FBLIM1: variants seen among roughly 807,000 people sequenced by gnomAD.
FBLIM1 encodes filamin-binding LIM protein 1.
Under a neutral mutation model 37.4 loss-of-function variants are expected in FBLIM1, and 29 were observed. The ratio of observed to expected loss-of-function variants is 0.77; its 90% CI spans 0.58 to 1.06. The LOEUF (loss-of-function observed/expected upper bound fraction) is 1.06. Ranked by LOEUF, FBLIM1 falls within the 50% of genes least tolerant of loss-of-function variation. FBLIM1 has a pLI of 0.00. For missense variants in FBLIM1, 449 were observed against 505.6 expected, an observed-to-expected ratio of 0.89 and a Z score of 1.07; for synonymous variants, 193 against 199.0, an observed-to-expected ratio of 0.97 and a Z score of 0.25.
At chr1:15,774,835 C>A (rs767958384) in intron 7 of FBLIM1, 39 bp downstream of exon 7, 2 of 1,613,912 alleles carry the variant, frequency 1.2e-6, no homozygotes, top group Admixed American at 1.7e-5. Context: ...GGTGCAGGGA[C>A]AGGGCGAGAC....
At chr1:15,757,308 T>TCTGCCATTTGCCC (rs1557679278), upstream of FBLIM1, among the ~76,000 whole-genome samples, 1 of 152,176 alleles carries the variant, frequency 6.6e-6, no homozygotes, top group African/African-American at 2.4e-5. The surrounding 1 kb of genome is among the most constrained non-coding windows in gnomAD (Gnocchi z 4.1). Flanking sequence ...TGAATTTGGC[T>TCTGCCATTTGCCC]CTGCCATTTG....
At chr1:15,760,506 G>A (rs1269045719) in intron 1 of FBLIM1, among the ~76,000 whole-genome samples, 1 of 144,664 alleles carries the variant, frequency 6.9e-6, no homozygotes, top group Non-Finnish European at 1.5e-5. Flanking sequence ...CTCCAGCCTC[G>A]GCCACAGAGC....
intron 8 of FBLIM1, 119 bp downstream of exon 8, chr1:15,777,406 C>A: frequency 1.6e-6 from 1 of 622,070 alleles, no homozygotes; most frequent in South Asian, 2.2e-5. Context: ...TGCTCATTGT[C>A]TAGTAGGAGA....
intron 7 of FBLIM1, among the ~76,000 whole-genome samples, chr1:15,776,250 C>CT (rs2069483045): frequency 6.6e-6 from 1 of 151,790 alleles, no homozygotes; most frequent in Non-Finnish European, 1.5e-5. Flanking sequence ...GAGCTAGACT[C>CT]CATCCCAAAC....
intron 8 of FBLIM1, among the ~76,000 whole-genome samples, chr1:15,780,732 G>A (rs77421831): frequency 0.02 from 3,090 of 152,188 alleles, 78 homozygotes; most frequent in African/African-American, 0.063. Context: ...TGAGTATTTC[G>A]ACACACCTGT....
At chr1:15,766,446 A>G (rs2068928078) in intron 3 of FBLIM1, among the ~76,000 whole-genome samples, 1 of 151,058 alleles carries the variant, frequency 6.6e-6, no homozygotes, top group African/African-American at 2.4e-5. Context: ...ACAGGCGCCC[A>G]CCATCACACC....
At position 15,765,138 on chromosome 1, in the gene FBLIM1, C is replaced by T; in HGVS notation, c.155C>T (p.Pro52Leu). 6.2e-7 allele frequency: 1 copy of T among 1,613,866 alleles called. No individual in the cohort carries two copies. Among genetic ancestry groups the T allele is most frequent in the Non-Finnish European group, 8.5e-7 (1 of 1,179,896 alleles). Residue 52 changes from proline to leucine, a missense_variant, in exon 3 of 9, where the codon CCC becomes CTC. Transcript: ENST00000375766. The surrounding 1 kb of genome is among the most constrained non-coding windows in gnomAD (Gnocchi z 5.9). Reference sequence around the variant, plus strand: ...GAGGCTCCTGCCCCCATGAAGACACCCGAGGCTGGCTTGGCGGGGAGGCCC... The same window carrying T: ...GAGGCTCCTGCCCCCATGAAGACACTCGAGGCTGGCTTGGCGGGGAGGCCC... ...PWEAPAPMKT[P>L]EAGLAGRPSP...
chr1:15,784,698 G>C lies in FBLIM1; in HGVS notation c.*37G>C. On this transcript the variant is annotated 3_prime_UTR_variant, in exon 9 of 9. Transcript: ENST00000375766. ...GGGCAGTGAACAGACCACTAGCCCC[G>C]GCTGGGGCCCTTCCCTGACTTGGTT... 6.3e-7 allele frequency: 1 copy of C among 1,578,732 alleles called. No individual in the cohort carries two copies. The highest frequency in any genetic ancestry group is 2.2e-5 in the East Asian group (1 of 44,580).
upstream of FBLIM1, chr1:15,758,611 G>A (rs1438068280): frequency 6.6e-6 from 1 of 152,332 alleles, no homozygotes; most frequent in Non-Finnish European, 1.5e-5. This position sits in a 1 kb window ranked among gnomAD's most constrained non-coding sequence, Gnocchi z 6.2. Context: ...GGGAAGGGGC[G>A]GCGCGGGGCG....
intron 8 of FBLIM1, among the ~76,000 whole-genome samples, chr1:15,781,724 T>TTG (rs1553168452): frequency 6.8e-6 from 1 of 146,440 alleles, no homozygotes; most frequent in Non-Finnish European, 1.5e-5. Flanking sequence ...TATTGTTTTT[T>TTG]TTTTTTTTTT....
chr1:15,768,511 C>G lies in FBLIM1; in HGVS notation c.439-17C>G, dbSNP rs543087374. 6.5e-7 allele frequency: 1 copy of G among 1,534,644 alleles called. No homozygotes were observed. Among genetic ancestry groups the G allele is most frequent in the Non-Finnish European group, 8.7e-7 (1 of 1,144,372 alleles). Reference sequence around the variant, plus strand: ...CATGGGGTCCCACTGGATGACTCCCCGTCTGCATCCCCACAGGCCCCAGCG... The same window carrying G: ...CATGGGGTCCCACTGGATGACTCCCGGTCTGCATCCCCACAGGCCCCAGCG... On this transcript the variant is annotated splice_polypyrimidine_tract_variant and intron_variant, in intron 4 of 8. Coordinates refer to ENST00000375766, the MANE Select transcript of FBLIM1 (RefSeq NM_017556.4).
chr1:15,779,063 G>T (rs1306105356), intron 8 of FBLIM1, among the ~76,000 whole-genome samples: 1 of 151,894 alleles, frequency 6.6e-6, no homozygotes, highest in Non-Finnish European at 1.5e-5. Context: ...AGCCTCCTGA[G>T]TAGCTGGGAT....
At chr1:15,766,276 TTGTGTGTGTGTGTGTA>T (rs1230886825) in intron 3 of FBLIM1, among the ~76,000 whole-genome samples, 7 of 151,182 alleles carry the variant, frequency 4.6e-5, no homozygotes, top group South Asian at 2.1e-4. Context: ...CCCAGCTAAT[TTGTGTGTGTGTGTGTA>T]TGTGTGTGTG....
In FBLIM1 at chr1:15,774,855, G is replaced by A. The variant is rs748280663; in HGVS notation, c.890+59G>A. On this transcript the variant is annotated intron_variant, in intron 7 of 8. Transcript: ENST00000375766. ...AGGGACAGGGCGAGACCCAAGCAGG[G>A]TGAAGGAGCTGAGCTTGAGTCCTGG... 1.9e-6 allele frequency: 3 copies of A among 1,613,648 alleles called. No homozygotes were observed. Among genetic ancestry groups the A allele is most frequent in the Non-Finnish European group, 2.5e-6 (3 of 1,179,744 alleles).
chr1:15,758,472 C>T (rs1165661703), upstream of FBLIM1: 1 of 152,122 alleles, frequency 6.6e-6, no homozygotes, highest in Non-Finnish European at 1.5e-5. This position sits in a 1 kb window ranked among gnomAD's most constrained non-coding sequence, Gnocchi z 6.2. Context: ...CACCCCGACT[C>T]CCCATTCTCC....
intron 1 of FBLIM1, among the ~76,000 whole-genome samples, chr1:15,763,201 C>G (rs1294206372): frequency 6.6e-6 from 1 of 151,838 alleles, no homozygotes; most frequent in African/African-American, 2.4e-5. Flanking sequence ...TCCCAAGTAG[C>G]TGGGATTACA....
chr1:15,781,251 G>A (rs1039851807), intron 8 of FBLIM1, among the ~76,000 whole-genome samples: 2 of 152,134 alleles, frequency 1.3e-5, no homozygotes, highest in Non-Finnish European at 2.9e-5. Flanking sequence ...CCAGCTACTC[G>A]GGAGGGTGAG....
chr1:15,773,141 C>T (rs1023268640), intron 6 of FBLIM1, among the ~76,000 whole-genome samples: 10 of 152,166 alleles, frequency 6.6e-5, no homozygotes, highest in East Asian at 1.9e-4. Flanking sequence ...TGCCGTGGCT[C>T]ATGCCAGGCC....
chr1:15,768,764 AG>A, intron 5 of FBLIM1, 134 bp downstream of exon 5: 1 of 514,068 alleles, frequency 1.9e-6, no homozygotes, highest in Non-Finnish European at 3.3e-6. Context: ...TGGGCTTTGT[AG>A]TTCGGCATCC....
Sources: allele counts gnomAD v4.1 joint callset (sites outside exome capture counted in the v4.1 genomes callset), GRCh38; gene constraint gnomAD v4.1.1; non-coding constraint Gnocchi (gnomAD v3.1); transcripts MANE v1.5; gene names NCBI Gene and HGNC (gene_info 2026-07-23, HGNC 2026-07-21).